The following G6PD variants were observed in gnomAD, a reference collection of about 807,000 sequenced individuals.
G6PD encodes the protein glucose-6-phosphate dehydrogenase, also known as glucose-6-phosphate 1-dehydrogenase.
G6PD carries 2 observed loss-of-function variants against 38.2 expected under a neutral mutation model. The observed-to-expected ratio is 0.05, with a 90% CI of 0.02 to 0.16. The LOEUF is 0.16. Among genes scored for constraint, G6PD ranks in the 10% least tolerant of loss-of-function variants. The probability of loss-of-function intolerance (pLI) is 1.00; values close to 1 mark genes in which losing one functional copy is unlikely to be tolerated. For synonymous variants in G6PD, 188 were observed against 196.0 expected (o/e 0.96, Z 0.34); for missense variants, 310 against 471.6 (o/e 0.66, Z 3.17).
At chrX:154,540,341 C>T (rs960239450) in intron 2 of G6PD, among the ~76,000 whole-genome samples, 10 of 109,985 alleles carry the variant, frequency 9.1e-5, no homozygotes, top group African/African-American at 2.0e-4. Context: ...TGGTGGTGCG[C>T]GCCTGTAGTC....
At chrX:154,540,638 G>GAAA (rs34859682) in intron 2 of G6PD, among the ~76,000 whole-genome samples, 7 of 64,350 alleles carry the variant, frequency 1.1e-4, no homozygotes, top group Non-Finnish European at 1.4e-4. Flanking sequence ...TCCATGTCAC[G>GAAA]AAAAAAAAAA....
In G6PD at chrX:154,531,811, C is replaced by G; in HGVS notation, c.*189G>C. The G allele has an allele frequency of 5.6e-6, 4 of 712,994 alleles. No individual in the cohort carries two copies. The highest frequency in any genetic ancestry group is 8.2e-6 in the Non-Finnish European group (4 of 488,351). 58.8% of individuals were successfully genotyped at this position (712,994 alleles called of 1,213,427 possible). A position where few individuals can be genotyped will look rare whatever the true frequency, so the allele number is the denominator to read the frequency against. On this transcript the variant is annotated 3_prime_UTR_variant, in exon 13 of 13. Transcript: ENST00000393562. ...GGGTCTGGAGGGGCCAGGATGGTCT[C>G]GAGTGCTTGGCAGCTGAGGAATGTA...
chrX:154,539,177 A>G (rs2070444577), intron 2 of G6PD, among the ~76,000 whole-genome samples: 1 of 111,694 alleles, frequency 9.0e-6, no homozygotes, highest in African/African-American at 3.3e-5. Flanking sequence ...CCCAAGAGAA[A>G]TGAAAGTGCA....
intron 2 of G6PD, among the ~76,000 whole-genome samples, chrX:154,542,085 G>A (rs1418455701): frequency 8.9e-6 from 1 of 112,448 alleles, no homozygotes; most frequent in Non-Finnish European, 1.9e-5. Context: ...ATACCCGGGG[G>A]CTCATGAGTC....
intron 2 of G6PD, among the ~76,000 whole-genome samples, chrX:154,542,998 C>A (rs1298345527): frequency 8.9e-6 from 1 of 112,219 alleles, no homozygotes; most frequent in Non-Finnish European, 1.9e-5. Context: ...TTTCCTGGAA[C>A]AGCAGATTCT....
intron 2 of G6PD, among the ~76,000 whole-genome samples, chrX:154,537,554 G>A (rs1204594268): frequency 8.9e-6 from 1 of 112,019 alleles, no homozygotes. Flanking sequence ...GGCGGAGGTT[G>A]CAGTGAGCCA....
chrX:154,547,304 C>A, upstream of G6PD: 7 of 751,524 alleles, frequency 9.3e-6, no homozygotes, highest in Non-Finnish European at 1.1e-5. Flanking sequence ...GGAACCCTCG[C>A]CTGTTCGCGG....
In G6PD at chrX:154,534,409, G is replaced by T; in HGVS notation, c.573C>A (p.Phe191Leu). The T allele has an allele frequency of 8.3e-7, 1 of 1,211,381 alleles. No homozygotes were observed. The highest frequency in any genetic ancestry group is 1.1e-6 in the Non-Finnish European group (1 of 895,173). ...DRLSNHISSL[F>L]REDQIYRIDH... ...CGATGCGGTAGATCTGGTCCTCACG[G>T]AACAGGGAGGAGATGTGGTTGGACA... Residue 191 changes from phenylalanine (F) to leucine (L), a missense_variant, in exon 6 of 13, where the codon TTC becomes TTA. Phe to Leu is a conservative substitution (Grantham distance 22). This residue lies in a region of G6PD where 168 missense variants were observed against 309.2 expected (regional missense o/e 0.54). Transcript: ENST00000393562.
At chrX:154,544,051 C>T (rs915696947) in intron 2 of G6PD, among the ~76,000 whole-genome samples, 4 of 109,856 alleles carry the variant, frequency 3.6e-5, no homozygotes, top group East Asian at 2.8e-4. Flanking sequence ...TTAGTAGAGA[C>T]GGGATTTCAC....
At chrX:154,541,688 T>C (rs1442888993) in intron 2 of G6PD, among the ~76,000 whole-genome samples, 1 of 112,208 alleles carries the variant, frequency 8.9e-6, no homozygotes, top group Non-Finnish European at 1.9e-5. Flanking sequence ...TCCTCTTTCC[T>C]GAGGACCACA....
At chrX:154,545,835 C>A in intron 2 of G6PD, 2 of 418,473 alleles carry the variant, frequency 4.8e-6, no homozygotes, top group East Asian at 4.3e-5. Context: ...AACTCCGTCT[C>A]CAAAAAAAAA....
At chrX:154,532,527 G>A in intron 10 of G6PD, 40 bp downstream of exon 10, 1 of 1,207,028 alleles carries the variant, frequency 8.3e-7, no homozygotes, top group African/African-American at 1.7e-5. Context: ...CCCGGGCCCA[G>A]GCCGCCCACC....
Position 154,532,797 on chromosome X carries a change from G to A in G6PD, c.1057C>T (p.Pro353Ser), listed in dbSNP as rs137852333. 1.7e-6 allele frequency: 2 copies of A among 1,207,535 alleles called. No individual in the cohort carries two copies. Residue 353 changes from proline (P) to serine (S), a missense_variant, in exon 10 of 13, where the codon CCC (proline) becomes TCC (serine). Transcript: ENST00000393562. ...GCCTTGCCGCAGCGCAGGATGAAGG[G>A]CACCCCTACGTGGCGGAAAGGGCAG... ...YVENERWDGV[P>S]FILRCGKALN...
chrX:154,544,353 G>C (rs901952313), intron 2 of G6PD, among the ~76,000 whole-genome samples: 80 of 109,994 alleles, frequency 7.3e-4, no homozygotes, highest in African/African-American at 2.5e-3. Context: ...GTAGAGATGG[G>C]GTTTCACCAT....
At chrX:154,542,383 A>G (rs1184023941) in intron 2 of G6PD, 2 of 1,206,252 alleles carry the variant, frequency 1.7e-6, no homozygotes, top group African/African-American at 3.5e-5. Context: ...TCGAGGTCCC[A>G]TCAGGTGGGG....
upstream of G6PD, chrX:154,547,261 C>G (rs1293884195): frequency 1.4e-6 from 1 of 693,436 alleles, no homozygotes; most frequent in Non-Finnish European, 1.7e-6. Context: ...CCCTCGGCTC[C>G]TGGGCGGGGC....
rs200833520 is a variant in G6PD, at chrX:154,534,510, G to A, written c.486-14C>T. 9.1e-5 allele frequency: 110 copies of A among 1,208,702 alleles called. No homozygotes were observed. The highest frequency in any genetic ancestry group is 3.7e-4 in the Admixed American group (17 of 45,901). On this transcript the variant is annotated splice_polypyrimidine_tract_variant and intron_variant, in intron 5 of 12. Coordinates refer to ENST00000393562, the MANE Select transcript of G6PD (RefSeq NM_001360016.2). ...CGGTTCCAGCCTCTGCTGGGAGCCC[G>A]GAGCTGCGTTACCCCCTTGAACCCC...
At chrX:154,533,227 G>A (rs1603411405) in intron 8 of G6PD, 99 bp from the exon 9 acceptor site, 1 of 992,421 alleles carries the variant, frequency 1.0e-6, no homozygotes, top group East Asian at 3.2e-5. Context: ...GGCAGGAGGA[G>A]GCCCCTGCTT....
intron 2 of G6PD, among the ~76,000 whole-genome samples, chrX:154,536,700 G>A (rs943090809): frequency 9.0e-6 from 1 of 110,943 alleles, no homozygotes; most frequent in African/African-American, 3.3e-5. Flanking sequence ...TGTGGTGGCA[G>A]GCACCTGTAA....
Sources: gnomAD v4.1 joint callset for allele counts (sites outside exome capture counted in the v4.1 genomes callset) on GRCh38, gnomAD v4.1.1 for gene constraint, gnomAD v4.1.1 regional missense constraint, MANE v1.5 for transcripts, NCBI Gene and HGNC (gene_info 2026-07-23, HGNC 2026-07-21) for gene names.